Variants in PLEKHM1 observed in about 807,000 individuals in gnomAD.
PLEKHM1 encodes the protein pleckstrin homology and RUN domain containing M1.
A neutral mutation model predicts 94.3 loss-of-function variants in PLEKHM1; 28 were observed. The ratio of observed to expected loss-of-function variants is 0.30; its 90% CI spans 0.22 to 0.41. The LOEUF (loss-of-function observed/expected upper bound fraction) is 0.41. Among genes scored for constraint, PLEKHM1 ranks in the 10% least tolerant of loss-of-function variants. PLEKHM1 has a pLI of 1.00. For missense variants in PLEKHM1, 907 were observed against 1,358.6 expected (o/e 0.67, Z 5.22); for synonymous variants, 424 against 581.2 (o/e 0.73, Z 3.89).
At chr17:45,440,364 T>C (rs937989292) in intron 9 of PLEKHM1, 138 bp from the exon 10 acceptor site, 2 of 830,688 alleles carry the variant, frequency 2.4e-6, no homozygotes, top group Non-Finnish European at 4.1e-6. Flanking sequence ...AGGAGTGTAA[T>C]TCGGCCTGCC....
intron 4 of PLEKHM1, among the ~76,000 whole-genome samples, chr17:45,472,026 T>G (rs2051528909): frequency 6.6e-6 from 1 of 152,234 alleles, no homozygotes; most frequent in African/African-American, 2.4e-5. Context: ...TTGAATGTTG[T>G]GTCTTTTATG....
At chr17:45,456,808 G>T (rs904918846) in intron 6 of PLEKHM1, among the ~76,000 whole-genome samples, 1 of 152,236 alleles carries the variant, frequency 6.6e-6, no homozygotes, top group Non-Finnish European at 1.5e-5. Flanking sequence ...CATCATGAAG[G>T]TTACTGAAAA....
In PLEKHM1 at chr17:45,454,118, C is replaced by T. The variant is rs746709929; in HGVS notation, c.1734G>A (p.Ser578=). ...NEEHTCVENC[S]LLRCESVGPA... ...GCCCCACAGACTCACAGCGAAGCAGCGAGCAGTTCTCCACACAGGTGTGCT... is the reference window on the plus strand; with the variant it reads ...GCCCCACAGACTCACAGCGAAGCAGTGAGCAGTTCTCCACACAGGTGTGCT... Residue 578 remains serine, a synonymous_variant, in exon 7 of 12, where the codon TCG becomes TCA. Transcript: ENST00000430334. The T allele has an allele frequency of 7.4e-6, 12 of 1,614,206 alleles. No homozygotes were observed. The highest frequency in any genetic ancestry group is 1.7e-5 in the Admixed American group (1 of 60,038).
intron 1 of PLEKHM1, among the ~76,000 whole-genome samples, chr17:45,489,855 G>A (rs1303773958): frequency 4.6e-5 from 7 of 152,288 alleles, no homozygotes; most frequent in East Asian, 3.9e-4. Flanking sequence ...AAGAGTTGCG[G>A]TGGGTCAGCG....
chr17:45,471,426 C>A (rs1221319549), intron 4 of PLEKHM1, among the ~76,000 whole-genome samples: 1 of 149,302 alleles, frequency 6.7e-6, no homozygotes, highest in Non-Finnish European at 1.5e-5. Context: ...TACATATGAC[C>A]CAGCAATTCC....
At chr17:45,435,810 A>G (rs1330089573), downstream of PLEKHM1, 1 of 381,022 alleles carries the variant, frequency 2.6e-6, no homozygotes, top group African/African-American at 2.1e-5. Flanking sequence ...AGGGACTAAC[A>G]TGAGGGTAGG....
chr17:45,478,235 C>T (rs2868650), intron 2 of PLEKHM1, 88 bp from the exon 3 acceptor site: 42 of 1,502,024 alleles, frequency 2.8e-5, no homozygotes, highest in Non-Finnish European at 3.6e-5. Flanking sequence ...GTGCCAAATA[C>T]GTGTGCAACC....
At chr17:45,441,634 C>T (rs2050450439) in intron 9 of PLEKHM1, among the ~76,000 whole-genome samples, 1 of 152,206 alleles carries the variant, frequency 6.6e-6, no homozygotes, top group African/African-American at 2.4e-5. Context: ...GCCTGTCACC[C>T]TCTCAGCAAG....
At position 45,453,949 on chromosome 17, in the gene PLEKHM1, A is replaced by C; in HGVS notation, c.1903T>G (p.Trp635Gly). 6.2e-7 allele frequency: 1 copy of C among 1,613,738 alleles called. No homozygotes were observed. Among genetic ancestry groups the C allele is most frequent in the Non-Finnish European group, 8.5e-7 (1 of 1,179,768 alleles). The stretch of plus-strand genomic sequence containing the variant: ...TGGTCTGGGTACTGCACGTTCACCC[A>C]CTCATCCTCCTGCTGAGGCCGGACC... ...QKVRPQQEDE[W>G]VNVQYPDQPE... is the part of the protein sequence containing the mutation. Residue 635 changes from tryptophan (W) to glycine (G), a missense_variant, in exon 7 of 12, where the codon TGG (tryptophan) becomes GGG (glycine). Physicochemically the swap from Trp to Gly is radical, Grantham distance 184 (BLOSUM62 -2). Transcript: ENST00000430334. The surrounding 1 kb of genome is among the most constrained non-coding windows in gnomAD (Gnocchi z 4.1).
Position 45,439,613 on chromosome 17 carries a change from C to G in PLEKHM1, c.2923G>C (p.Gly975Arg). 1 of 1,614,080 alleles carries G rather than the reference C, an allele frequency of 6.2e-7. No homozygotes were observed. The highest frequency in any genetic ancestry group is 8.5e-7 in the Non-Finnish European group (1 of 1,179,978). Residue 975 changes from glycine (G) to arginine (R), a missense_variant, in exon 11 of 12, where the codon GGA (glycine) becomes CGA (arginine). Around this residue, in one of 3 missense-constraint regions of PLEKHM1, gnomAD observed 254 missense variants for 451.1 expected, o/e 0.56. Coordinates refer to ENST00000430334, the MANE Select transcript of PLEKHM1 (RefSeq NM_014798.3). ...LQQIADGVYEGFLKALIEFAS... is the reference protein window; with the variant it reads ...LQQIADGVYERFLKALIEFAS... ...AATTCAATCAGGGCCTTGAGGAATC[C>G]TTCATACACCCCGTCTGCGATCTGC...
Position 45,462,014 on chromosome 17 carries a change from T to C in PLEKHM1, c.1309-3575A>G, listed in dbSNP as rs1453510009. On this transcript the variant is annotated intron_variant, in intron 5 of 11. Transcript: ENST00000430334. ...AAGCAGTGGGACCAGCCCCACTGTT[T>C]TGTTAAGTGCCACTAACCTCACCCT... 3.3e-5 allele frequency among the ~76,000 whole-genome samples: 5 copies of C among 152,284 alleles called. No individual in the cohort carries two copies. The East Asian group carries it at 5.8e-4, about 18-fold the overall frequency.
At position 45,475,696 on chromosome 17, in the gene PLEKHM1, C is replaced by T. The variant is rs139564369; in HGVS notation, c.327G>A (p.Thr109=). 21 of 1,611,992 alleles carry T rather than the reference C, an allele frequency of 1.3e-5. No individual in the cohort carries two copies. Among genetic ancestry groups the T allele is most frequent in the African/African-American group, 1.2e-4 (9 of 74,840 alleles). The change falls in exon 4 of 12, where the codon ACG becomes ACA. Residue 109 remains threonine, a synonymous_variant. Coordinates refer to ENST00000430334, the MANE Select transcript of PLEKHM1 (RefSeq NM_014798.3). ...AGCGGCCCACATCCGTGTTGACAAA[C>T]GTCAGGTGCTCCAACTCTGAGATGA... is the stretch of plus-strand genomic sequence containing the variant. ...KHIISELEHL[T]FVNTDVGRCR...
chr17:45,461,165 G>A (rs2051139940), intron 5 of PLEKHM1, among the ~76,000 whole-genome samples: 2 of 152,202 alleles, frequency 1.3e-5, no homozygotes, highest in Non-Finnish European at 2.9e-5. Context: ...GGGATTGCAG[G>A]CATGAGCGAC....
rs566389176 is a variant in PLEKHM1, at chr17:45,483,995, G to A, written c.-41-1470C>T. On this transcript the variant is annotated intron_variant, in intron 1 of 11. Coordinates refer to ENST00000430334, the MANE Select transcript of PLEKHM1 (RefSeq NM_014798.3). ...TGAGTTCAGGCCATGACACGAAGTG[G>A]GGCGTGGGCCATGCCTCATCCTAGC... 6.6e-5 allele frequency among the ~76,000 whole-genome samples: 10 copies of A among 152,346 alleles called. No individual in the cohort carries two copies. In the East Asian group the frequency reaches 1.9e-3, roughly 29 times the overall value.
At chr17:45,463,860 G>A (rs914178651) in intron 5 of PLEKHM1, 11 of 152,316 alleles carry the variant, frequency 7.2e-5, no homozygotes, top group African/African-American at 1.4e-4. Context: ...GCCACCTTGC[G>A]TTACTAAAGG....
In PLEKHM1 at chr17:45,477,762, C is replaced by G. The variant is rs528725528; in HGVS notation, c.296+138G>C. 3.1e-5 allele frequency: 31 copies of G among 991,430 alleles called. No individual in the cohort carries two copies. The African/African-American group carries it at 3.6e-4, about 11-fold the overall frequency. 61.4% of individuals were successfully genotyped at this position (991,430 alleles called of 1,614,324 possible). On this transcript the variant is annotated intron_variant, in intron 3 of 11. Coordinates refer to ENST00000430334, the MANE Select transcript of PLEKHM1 (RefSeq NM_014798.3). Reference sequence around the variant, plus strand: ...GATAAGCCTTTCTAGAAGACACTTTCAACCCCTACCTCACCCTCTCTCTAT... The same window carrying G: ...GATAAGCCTTTCTAGAAGACACTTTGAACCCCTACCTCACCCTCTCTCTAT...
downstream of PLEKHM1, among the ~76,000 whole-genome samples, chr17:45,435,371 C>T (rs2050230746): frequency 6.6e-6 from 1 of 152,158 alleles, no homozygotes; most frequent in Non-Finnish European, 1.5e-5. Context: ...TGGAGGGGTC[C>T]CCTGGGCTTC....
chr17:45,436,792 TC>T lies in PLEKHM1; in HGVS notation c.*1065del, dbSNP rs1336528329. On this transcript the variant is annotated 3_prime_UTR_variant, in exon 12 of 12. Coordinates refer to ENST00000430334, the MANE Select transcript of PLEKHM1 (RefSeq NM_014798.3). ...ATGGCTTTGTGAGGTGGTGGCTGCATCCACAGGGCAGTTCCCCCGCACGCCC... is the reference window on the plus strand; with the variant it reads ...ATGGCTTTGTGAGGTGGTGGCTGCATCACAGGGCAGTTCCCCCGCACGCCC... 3 of 453,988 alleles carry T rather than the reference TC, an allele frequency of 6.6e-6. No individual in the cohort carries two copies. Among genetic ancestry groups the T allele is most frequent in the Non-Finnish European group, 1.3e-5 (3 of 226,784 alleles). 28.1% of individuals were successfully genotyped at this position (453,988 alleles called of 1,614,324 possible).
At chr17:45,450,329 T>A (rs2050742171) in intron 8 of PLEKHM1, among the ~76,000 whole-genome samples, 1 of 152,022 alleles carries the variant, frequency 6.6e-6, no homozygotes, top group Non-Finnish European at 1.5e-5. Flanking sequence ...CTATCTATCA[T>A]TTATCTGCTG....
Sources: allele counts gnomAD v4.1 joint callset (sites outside exome capture counted in the v4.1 genomes callset), GRCh38; gene constraint gnomAD v4.1.1; regional missense constraint gnomAD v4.1.1; non-coding constraint Gnocchi (gnomAD v3.1); transcripts MANE v1.5; gene names NCBI Gene and HGNC (gene_info 2026-07-23, HGNC 2026-07-21).